Variants in MSH5 observed in about 807,000 individuals in gnomAD.
MSH5 encodes mutS protein homolog 5.
In MSH5, 78 loss-of-function variants were observed where a neutral mutation model predicts 107.7. The ratio of observed to expected loss-of-function variants is 0.72; its 90% CI spans 0.60 to 0.87. The LOEUF (loss-of-function observed/expected upper bound fraction) is 0.87, where lower values mean the gene tolerates loss of function less well. MSH5 is among the 40% of genes least tolerant of loss of function. The pLI is 0.00. For missense variants in MSH5, 889 were observed against 1,046.6 expected, an observed-to-expected ratio of 0.85 and a Z score of 2.08; for synonymous variants, 326 against 399.5, an observed-to-expected ratio of 0.82 and a Z score of 2.19.
intron 9 of MSH5, among the ~76,000 whole-genome samples, chr6:31,746,986 A>G (rs1809523379): frequency 1.3e-5 from 2 of 150,788 alleles, no homozygotes. Context: ...TGCCCGGCTA[A>G]TTTTTTGTAT....
chr6:31,743,247 A>G lies in MSH5; in HGVS notation c.415+77A>G, dbSNP rs1040535785. On this transcript the variant is annotated intron_variant, in intron 5 of 24. Transcript: ENST00000375750. Reference sequence around the variant, plus strand: ...TTCCCCCAACTCTACCTTCATCATCACAGATCTCCCCTCTGCCTTATGTCA... The same window carrying G: ...TTCCCCCAACTCTACCTTCATCATCGCAGATCTCCCCTCTGCCTTATGTCA... The G allele has an allele frequency of 5.5e-6, 8 of 1,450,310 alleles. No homozygotes were observed. The African/African-American group carries it at 1.1e-4, about 20-fold the overall frequency. The allele number at this position is 1,450,310 out of a possible 1,614,324, so 89.8% of individuals were successfully genotyped here.
At chr6:31,747,320 A>C in intron 9 of MSH5, 67 bp from the exon 10 acceptor site, 1 of 1,561,096 alleles carries the variant, frequency 6.4e-7, no homozygotes, top group Non-Finnish European at 8.8e-7. Flanking sequence ...CAGCTTAGAC[A>C]CATAAACACA....
chr6:31,761,419 G>A lies in MSH5; in HGVS notation c.2038-53G>A, dbSNP rs1039053490. ...CAGGGAAAGGCAGTGCAAGTGCAGA[G>A]GGGCATATGGGGTCCCCATGGCTCC... On this transcript the variant is annotated intron_variant, in intron 21 of 24. Transcript: ENST00000375750. This position sits in a 1 kb window ranked among gnomAD's most constrained non-coding sequence, Gnocchi z 5.3. 8 of 1,608,386 alleles carry A rather than the reference G, an allele frequency of 5.0e-6. No individual in the cohort carries two copies. The South Asian group carries it at 5.5e-5, about 11-fold the overall frequency.
At chr6:31,743,248 C>T in intron 5 of MSH5, 78 bp downstream of exon 5, 1 of 1,434,590 alleles carries the variant, frequency 7.0e-7, no homozygotes, top group Non-Finnish European at 9.8e-7. Context: ...TTCATCATCA[C>T]AGATCTCCCC....
At chr6:31,753,531 A>T in intron 11 of MSH5, 36 bp from the exon 12 acceptor site, 1 of 1,613,954 alleles carries the variant, frequency 6.2e-7, no homozygotes, top group African/African-American at 1.3e-5. Flanking sequence ...GAGTGAGGGA[A>T]GAGAAAACAG....
chr6:31,754,900 T>C (rs1396992738), intron 12 of MSH5, among the ~76,000 whole-genome samples: 2 of 151,766 alleles, frequency 1.3e-5, no homozygotes, highest in East Asian at 2.0e-4. Flanking sequence ...AACAGGCACA[T>C]GCCACCATGC....
intron 12 of MSH5, 99 bp downstream of exon 12, chr6:31,753,728 A>ACC: frequency 2.8e-6 from 3 of 1,064,582 alleles, no homozygotes; most frequent in Non-Finnish European, 2.7e-6. Flanking sequence ...ATTTTATTCT[A>ACC]CCCTCTTTTT....
intron 9 of MSH5, among the ~76,000 whole-genome samples, chr6:31,746,791 C>T (rs936116241): frequency 5.4e-5 from 8 of 148,974 alleles, no homozygotes; most frequent in Admixed American, 1.4e-4. Flanking sequence ...CGGGAGGGCT[C>T]TTGAGTTTTT....
Position 31,758,546 on chromosome 6 carries a change from A to G in MSH5, c.1144-2A>G, listed in dbSNP as rs1350447028. ...CCTAAGAAACAGTACTTATCTCCTC[A>G]GGTGGACTTTGAGGGCAGCCTTGCT... On this transcript the variant is annotated splice_acceptor_variant, in intron 13 of 24. Transcript: ENST00000375750. LOFTEE classifies it high-confidence loss of function. The surrounding 1 kb of genome is among the most constrained non-coding windows in gnomAD (Gnocchi z 5.1). 1 of 1,613,196 alleles carries G rather than the reference A, an allele frequency of 6.2e-7. No homozygotes were observed.
rs143329989 is a variant in MSH5 at position 31,759,462 on chromosome 6, G to A, written c.1445G>A (p.Arg482Gln). 6.2e-5 allele frequency: 100 copies of A among 1,612,580 alleles called. No individual in the cohort carries two copies. Among genetic ancestry groups the A allele is most frequent in the Non-Finnish European group, 7.7e-5 (91 of 1,180,010 alleles). ...SEEKLHYRSARTKELDALLGD... is the reference protein window; with the variant it reads ...SEEKLHYRSAQTKELDALLGD... ...GAGAAGCTGCACTATCGTAGTGCCC[G>A]AACCAAGGAGCTGGATGCATTGCTG... Residue 482 changes from arginine (R) to glutamine (Q), a missense_variant, in exon 17 of 25, where the codon CGA becomes CAA. Physicochemically the swap from Arg to Gln is conservative, Grantham distance 43. This residue lies in a region of MSH5 where 362 missense variants were observed against 456.2 expected (regional missense o/e 0.79). Coordinates refer to ENST00000375750, the MANE Select transcript of MSH5 (RefSeq NM_172166.4). The surrounding 1 kb of genome is among the most constrained non-coding windows in gnomAD (Gnocchi z 4.7).
At chr6:31,742,265 G>T (rs1170140221) in intron 3 of MSH5, among the ~76,000 whole-genome samples, 1 of 152,054 alleles carries the variant, frequency 6.6e-6, no homozygotes, top group African/African-American at 2.4e-5. Context: ...TTGTTTGGTT[G>T]TTCTTTTTTG....
rs1373718311 is a variant in MSH5, at chr6:31,759,020, A to G, written c.1327-77A>G. On this transcript the variant is annotated intron_variant, in intron 15 of 24. Transcript: ENST00000375750. The surrounding 1 kb of genome is among the most constrained non-coding windows in gnomAD (Gnocchi z 4.7). ...TTTGTGGGGATACAGGGATCTTTTAAGCTCCCTCTAGGGTGGGGAGGTGTC... is the reference window on the plus strand; with the variant it reads ...TTTGTGGGGATACAGGGATCTTTTAGGCTCCCTCTAGGGTGGGGAGGTGTC... The G allele has an allele frequency of 1.4e-6, 2 of 1,464,708 alleles. No individual in the cohort carries two copies. Among genetic ancestry groups the G allele is most frequent in the Non-Finnish European group, 1.9e-6 (2 of 1,045,906 alleles). The allele number at this position is 1,464,708 out of a possible 1,614,324, so 90.7% of individuals were successfully genotyped here.
chr6:31,761,435 C>A lies in MSH5; in HGVS notation c.2038-37C>A, dbSNP rs540340784. On this transcript the variant is annotated intron_variant, in intron 21 of 24. Transcript: ENST00000375750. This position sits in a 1 kb window ranked among gnomAD's most constrained non-coding sequence, Gnocchi z 5.3. ...AAGTGCAGAGGGGCATATGGGGTCC[C>A]CATGGCTCCGAATGCTAACCTCTGC... 6.2e-7 allele frequency: 1 copy of A among 1,611,278 alleles called. No homozygotes were observed. Among genetic ancestry groups the A allele is most frequent in the Admixed American group, 1.7e-5 (1 of 59,986 alleles).
Position 31,759,709 on chromosome 6 carries a change from ATCCCCCT to A in MSH5, c.1496-76_1496-70del. ...GATTGTATCTGCAACCTGTTTCCAG[ATCCCCCT>A]AGGGGCCTCTGCCTCTCCTTCACTT... On this transcript the variant is annotated intron_variant, in intron 17 of 24. Transcript: ENST00000375750. The surrounding 1 kb of genome is among the most constrained non-coding windows in gnomAD (Gnocchi z 4.7). 1 of 1,519,980 alleles carries A rather than the reference ATCCCCCT, an allele frequency of 6.6e-7. No individual in the cohort carries two copies. The allele number at this position is 1,519,980 out of a possible 1,614,324, so 94.2% of individuals were successfully genotyped here. A position where few individuals can be genotyped will look rare whatever the true frequency, so the allele number is the denominator to read the frequency against.
In MSH5 at chr6:31,762,095, T is replaced by G; in HGVS notation, c.2320-17T>G. ...CCCCACTCCCCTTACTCCTCCCACC[T>G]TCTTGCTTGTTCCTAGGTCTCAGAC... On this transcript the variant is annotated splice_polypyrimidine_tract_variant and intron_variant, in intron 23 of 24. Coordinates refer to ENST00000375750, the MANE Select transcript of MSH5 (RefSeq NM_172166.4). 1 of 1,614,150 alleles carries G rather than the reference T, an allele frequency of 6.2e-7. No homozygotes were observed. Among genetic ancestry groups the G allele is most frequent in the Non-Finnish European group, 8.5e-7 (1 of 1,179,992 alleles).
Position 31,758,040 on chromosome 6 carries a change from T to G in MSH5, c.1015-125T>G. The G allele has an allele frequency of 1.6e-6, 2 of 1,223,008 alleles. No homozygotes were observed. The highest frequency in any genetic ancestry group is 2.3e-6 in the Non-Finnish European group (2 of 861,992). The allele number at this position is 1,223,008 out of a possible 1,614,324, so 75.8% of individuals were successfully genotyped here. Reference sequence around the variant, plus strand: ...TGCCTCTCACTGTTTCTTTTTGCCTTTGAGATCTTCCCTCTTTGTTACTGT... The same window carrying G: ...TGCCTCTCACTGTTTCTTTTTGCCTGTGAGATCTTCCCTCTTTGTTACTGT... On this transcript the variant is annotated intron_variant, in intron 12 of 24. Coordinates refer to ENST00000375750, the MANE Select transcript of MSH5 (RefSeq NM_172166.4). The surrounding 1 kb of genome is among the most constrained non-coding windows in gnomAD (Gnocchi z 5.1).
rs1258792804 is a variant in MSH5 at position 31,762,175 on chromosome 6, CA to C, written c.2386del (p.Met796TrpfsTer7). 1 of 1,614,144 alleles carries C rather than the reference CA, an allele frequency of 6.2e-7. No homozygotes were observed. The highest frequency in any genetic ancestry group is 1.1e-5 in the South Asian group (1 of 91,084). On this transcript the variant is annotated frameshift_variant, in exon 24 of 25. Coordinates refer to ENST00000375750, the MANE Select transcript of MSH5 (RefSeq NM_172166.4). LOFTEE classifies it high-confidence loss of function. ...TGTCAAGGATTTGCTAAAGAAGAAC[CA>C]AATGGAAAAGTGCGTATATGGCCCC... ...KPVKDLLKKNQMENCQTLVDK... is the reference protein window; with the variant it reads ...KPVKDLLKKNXMENCQTLVDK...
chr6:31,754,395 C>T (rs1424354901), intron 12 of MSH5, among the ~76,000 whole-genome samples: 1 of 152,170 alleles, frequency 6.6e-6, no homozygotes. Flanking sequence ...AGTGATCTGC[C>T]CATCTCGGCC....
intron 9 of MSH5, among the ~76,000 whole-genome samples, chr6:31,746,518 A>T (rs1455998082): frequency 6.6e-6 from 1 of 151,792 alleles, no homozygotes; most frequent in East Asian, 1.9e-4. Flanking sequence ...GGCTCACTGC[A>T]ACCTCCGCCT....
Sources: allele counts gnomAD v4.1 joint callset (sites outside exome capture counted in the v4.1 genomes callset), GRCh38; gene constraint gnomAD v4.1.1; regional missense constraint gnomAD v4.1.1; non-coding constraint Gnocchi (gnomAD v3.1); transcripts MANE v1.5; gene names NCBI Gene and HGNC (gene_info 2026-07-23, HGNC 2026-07-21).